PPFIA2: variants seen among roughly 807,000 people sequenced by gnomAD.
PPFIA2 encodes the protein liprin-alpha-2.
PPFIA2 carries 46 observed loss-of-function variants against 175.5 expected under a neutral mutation model. That is an observed-to-expected ratio of 0.26 (90% CI 0.21 to 0.34). PPFIA2 has a LOEUF of 0.34. PPFIA2 is among the 10% of genes least tolerant of loss of function. The pLI is 1.00. For synonymous variants in PPFIA2, 568 were observed against 511.4 expected, an observed-to-expected ratio of 1.11 and a Z score of -1.49; for missense variants, 1,179 against 1,506.1, an observed-to-expected ratio of 0.78 and a Z score of 3.60.
chr12:81,571,710 G>T (rs2072580350), intron 4 of PPFIA2, among the ~76,000 whole-genome samples: 1 of 152,072 alleles, frequency 6.6e-6, no homozygotes, highest in Admixed American at 6.6e-5. Context: ...TTATAACCTT[G>T]AAATAATTAT....
Position 81,325,887 on chromosome 12 carries a change from C to G in PPFIA2, c.2549-17G>C, listed in dbSNP as rs748659587. 1.3e-6 allele frequency: 2 copies of G among 1,564,018 alleles called. No homozygotes were observed. The highest frequency in any genetic ancestry group is 8.8e-7 in the Non-Finnish European group (1 of 1,135,596). On this transcript the variant is annotated splice_polypyrimidine_tract_variant and intron_variant, in intron 21 of 32. Coordinates refer to ENST00000549396, the MANE Select transcript of PPFIA2 (RefSeq NM_003625.5). ...TAAAGCCTCCTGTGAAGAGAAGTAACTAAGTATTCAGATTATGTTGCATAG... is the reference window on the plus strand; with the variant it reads ...TAAAGCCTCCTGTGAAGAGAAGTAAGTAAGTATTCAGATTATGTTGCATAG...
At chr12:81,626,656 C>T (rs2062743439) in intron 4 of PPFIA2, among the ~76,000 whole-genome samples, 1 of 151,948 alleles carries the variant, frequency 6.6e-6, no homozygotes, top group Admixed American at 6.6e-5. Flanking sequence ...TAAGGTGATG[C>T]TATTATAAAG....
At chr12:81,479,077 C>G (rs2057859829) in intron 4 of PPFIA2, among the ~76,000 whole-genome samples, 1 of 152,120 alleles carries the variant, frequency 6.6e-6, no homozygotes, top group Non-Finnish European at 1.5e-5. Context: ...TCTCTAAGAA[C>G]TTGCTGTATA....
intron 22 of PPFIA2, among the ~76,000 whole-genome samples, chr12:81,318,023 TCTC>T (rs1255574531): frequency 6.6e-6 from 1 of 151,672 alleles, no homozygotes; most frequent in East Asian, 1.9e-4. Context: ...TGCTAATAAT[TCTC>T]CTACAGTCAG....
rs73362511 is a variant in PPFIA2 at position 81,568,331 on chromosome 12, C to G, written c.303+108460G>C. ...TTTTGCCTCTTCTGTCACCAAGGCA[C>G]TGTCCCTTGTTTGTCTGATGGTGGG... is the stretch of plus-strand genomic sequence containing the variant. On this transcript the variant is annotated intron_variant, in intron 4 of 32. Transcript: ENST00000549396. 8.7e-3 allele frequency among the ~76,000 whole-genome samples: 1,322 copies of G among 152,288 alleles called. 14 individuals carry two copies. Among genetic ancestry groups the G allele is most frequent in the African/African-American group, 0.03 (1,254 of 41,556 alleles).
intron 24 of PPFIA2, among the ~76,000 whole-genome samples, chr12:81,285,406 C>T (rs1484512565): frequency 6.6e-6 from 1 of 152,016 alleles, no homozygotes; most frequent in Non-Finnish European, 1.5e-5. Context: ...GTTTTTCTGC[C>T]ATTCACCTAG....
chr12:81,662,844 C>CT (rs2069207551), intron 4 of PPFIA2, among the ~76,000 whole-genome samples: 1 of 152,116 alleles, frequency 6.6e-6, no homozygotes, highest in Admixed American at 6.6e-5. Flanking sequence ...TATCAAAAAG[C>CT]TTATCCACCA....
chr12:81,556,563 G>T (rs1269429550), intron 4 of PPFIA2, among the ~76,000 whole-genome samples: 2 of 151,846 alleles, frequency 1.3e-5, no homozygotes, highest in Non-Finnish European at 2.9e-5. Flanking sequence ...GGTGAGATTA[G>T]GTAAGTTGAA....
intron 8 of PPFIA2, among the ~76,000 whole-genome samples, chr12:81,387,201 C>T (rs1522320): frequency 0.35 from 52,962 of 151,896 alleles, 9,949 homozygotes; most frequent in East Asian, 0.53. Flanking sequence ...TTTGTGCTAT[C>T]TCCAACTATT....
chr12:81,415,210 AATATATATATATATATATATATATAT>A (rs1203608883), intron 7 of PPFIA2, among the ~76,000 whole-genome samples: 369 of 17,342 alleles, frequency 0.021, 7 homozygotes, highest in African/African-American at 0.041. Flanking sequence ...AAAAAAAAAA[AATATATATATATATATATATATATAT>A]ATATATATAT....
At chr12:81,405,311 G>C (rs2042738446) in intron 8 of PPFIA2, among the ~76,000 whole-genome samples, 1 of 151,958 alleles carries the variant, frequency 6.6e-6, no homozygotes, top group Non-Finnish European at 1.5e-5. Flanking sequence ...TCAAATAAAA[G>C]ATTACCAACA....
chr12:81,489,772 C>T (rs2059234917), intron 4 of PPFIA2, among the ~76,000 whole-genome samples: 1 of 151,800 alleles, frequency 6.6e-6, no homozygotes, highest in South Asian at 2.1e-4. Flanking sequence ...TGAAATGTGT[C>T]GATGCAGCAC....
chr12:81,325,944 G>A, intron 21 of PPFIA2, 74 bp from the exon 22 acceptor site: 1 of 1,110,790 alleles, frequency 9.0e-7, no homozygotes, highest in Non-Finnish European at 1.3e-6. Context: ...GGTTGTTAAA[G>A]GTTTAGTTGA....
intron 3 of PPFIA2, among the ~76,000 whole-genome samples, chr12:81,683,202 T>C (rs2073939422): frequency 6.6e-6 from 1 of 152,062 alleles, no homozygotes; most frequent in Non-Finnish European, 1.5e-5. Flanking sequence ...ATTCACCCAG[T>C]TGCTCAGGTC....
intron 3 of PPFIA2, among the ~76,000 whole-genome samples, chr12:81,728,999 G>A (rs568153404): frequency 5.3e-5 from 8 of 151,446 alleles, no homozygotes; most frequent in East Asian, 2.0e-4. Context: ...CCAAAAGAAC[G>A]TACAATTATG....
intron 22 of PPFIA2, among the ~76,000 whole-genome samples, chr12:81,300,264 C>T (rs1254932530): frequency 2.0e-5 from 3 of 152,062 alleles, no homozygotes; most frequent in African/African-American, 7.2e-5. Context: ...TTGGAAAATA[C>T]ATTCTCTTTA....
In PPFIA2 at chr12:81,506,308, C is replaced by T. The variant is rs969203002; in HGVS notation, c.304-48442G>A. ...ATTTTGCAAGTTTTCTTTAAAAGCC[C>T]AGGTCAAACTTATACTCTGTATGAA... On this transcript the variant is annotated intron_variant, in intron 4 of 32. Transcript: ENST00000549396. Among the ~76,000 whole-genome samples, 4 of 152,084 alleles carry T rather than the reference C, an allele frequency of 2.6e-5. No homozygotes were observed. The East Asian group carries it at 7.7e-4, about 29-fold the overall frequency.
At chr12:81,468,399 G>A (rs1048439797) in intron 4 of PPFIA2, among the ~76,000 whole-genome samples, 6 of 152,158 alleles carry the variant, frequency 3.9e-5, no homozygotes, top group Admixed American at 3.9e-4. Context: ...GCATGTCAGG[G>A]CTGAGTCATT....
At chr12:81,288,545 T>A (rs935610045) in intron 24 of PPFIA2, among the ~76,000 whole-genome samples, 2 of 151,780 alleles carry the variant, frequency 1.3e-5, no homozygotes, top group African/African-American at 4.8e-5. Flanking sequence ...AAATAACTTG[T>A]GAAAATTAAT....
Sources: gnomAD v4.1 joint callset for allele counts (sites outside exome capture counted in the v4.1 genomes callset) on GRCh38, gnomAD v4.1.1 for gene constraint, MANE v1.5 for transcripts, NCBI Gene and HGNC (gene_info 2026-07-23, HGNC 2026-07-21) for gene names.